OPCML: variants seen among roughly 807,000 people sequenced by gnomAD.
OPCML encodes opioid binding protein/cell adhesion molecule like, also known as opioid-binding protein/cell adhesion molecule.
OPCML carries 13 observed loss-of-function variants against 37.8 expected under a neutral mutation model. That is an observed-to-expected ratio of 0.34 (90% CI 0.22 to 0.55). OPCML has a LOEUF of 0.55. OPCML is among the 20% of genes least tolerant of loss of function. OPCML has a pLI of 0.91. For synonymous variants in OPCML, 176 were observed against 168.8 expected, an observed-to-expected ratio of 1.04 and a Z score of -0.33; for missense variants, 341 against 435.6, an observed-to-expected ratio of 0.78 and a Z score of 1.93.
At chr11:133,223,972 C>G (rs1192918773) in intron 1 of OPCML, among the ~76,000 whole-genome samples, 1 of 152,144 alleles carries the variant, frequency 6.6e-6, no homozygotes, top group African/African-American at 2.4e-5. Flanking sequence ...CTTGTAGGCC[C>G]TGGTTTTGGC....
intron 1 of OPCML, among the ~76,000 whole-genome samples, chr11:133,238,209 T>C (rs1940596798): frequency 6.6e-6 from 1 of 152,190 alleles, no homozygotes; most frequent in African/African-American, 2.4e-5. Flanking sequence ...CCAGGCGTTC[T>C]GGGCTGTCTT....
intron 1 of OPCML, among the ~76,000 whole-genome samples, chr11:133,423,906 C>A (rs1231655208): frequency 6.6e-6 from 1 of 152,194 alleles, no homozygotes; most frequent in Non-Finnish European, 1.5e-5. Context: ...GACAACCTGG[C>A]TCTCCTTTGC....
intron 1 of OPCML, among the ~76,000 whole-genome samples, chr11:133,483,715 G>T (rs541097926): frequency 3.5e-5 from 5 of 141,792 alleles, no homozygotes; most frequent in Admixed American, 2.8e-4. Flanking sequence ...TAGATAGATA[G>T]ATAGATAAAA....
intron 1 of OPCML, among the ~76,000 whole-genome samples, chr11:133,428,388 T>C (rs1946047962): frequency 6.6e-6 from 1 of 152,192 alleles, no homozygotes; most frequent in Non-Finnish European, 1.5e-5. Flanking sequence ...GGCAAGGCAT[T>C]GGTAGCATGA....
intron 2 of OPCML, among the ~76,000 whole-genome samples, chr11:132,876,376 A>G (rs1320831997): frequency 6.6e-6 from 1 of 152,204 alleles, no homozygotes; most frequent in Non-Finnish European, 1.5e-5. Flanking sequence ...AGGGCCATCC[A>G]GTTCTGTCTC....
intron 1 of OPCML, among the ~76,000 whole-genome samples, chr11:133,447,229 G>A (rs1265817090): frequency 5.3e-5 from 8 of 152,074 alleles, no homozygotes; most frequent in African/African-American, 1.9e-4. Flanking sequence ...TTCTTCAATT[G>A]AAAAGGCATC....
At chr11:132,739,367 C>T (rs576779117) in intron 2 of OPCML, among the ~76,000 whole-genome samples, 4 of 152,012 alleles carry the variant, frequency 2.6e-5, no homozygotes, top group African/African-American at 4.8e-5. Flanking sequence ...TTATTTTGTC[C>T]GTATAATTTG....
At chr11:133,204,904 A>ATATATATATGTGTG in intron 1 of OPCML, among the ~76,000 whole-genome samples, 1 of 134,288 alleles carries the variant, frequency 7.4e-6, no homozygotes, top group African/African-American at 2.8e-5. Context: ...ATATATATAT[A>ATATATATATGTGTG]TATATACATA....
At chr11:133,027,866 T>C (rs1045733742) in intron 1 of OPCML, among the ~76,000 whole-genome samples, 11 of 8,422 alleles carry the variant, frequency 1.3e-3, no homozygotes, top group African/African-American at 3.8e-3. Flanking sequence ...GTGGGTTTTG[T>C]ACCTCCATGC....
intron 2 of OPCML, among the ~76,000 whole-genome samples, chr11:132,715,485 C>A: frequency 6.6e-6 from 1 of 152,192 alleles, no homozygotes; most frequent in East Asian, 1.9e-4. Flanking sequence ...TTGTCATGGA[C>A]TGAATATTTG....
intron 1 of OPCML, among the ~76,000 whole-genome samples, chr11:133,381,425 CAG>C (rs1944925870): frequency 6.6e-6 from 1 of 152,178 alleles, no homozygotes; most frequent in African/African-American, 2.4e-5. Flanking sequence ...CAGCTTGGAG[CAG>C]AGTGTGTTTG....
At chr11:133,334,817 T>C (rs960925969) in intron 1 of OPCML, among the ~76,000 whole-genome samples, 1 of 152,122 alleles carries the variant, frequency 6.6e-6, no homozygotes, top group African/African-American at 2.4e-5. Flanking sequence ...CTTCTGGATC[T>C]CCATGGGAGA....
At chr11:133,325,203 C>T (rs949987093) in intron 1 of OPCML, among the ~76,000 whole-genome samples, 1 of 152,216 alleles carries the variant, frequency 6.6e-6, no homozygotes, top group Non-Finnish European at 1.5e-5. Context: ...CTGTGCACTG[C>T]TTCAGACGTG....
At chr11:133,327,390 C>T (rs982219938) in intron 1 of OPCML, among the ~76,000 whole-genome samples, 2 of 151,938 alleles carry the variant, frequency 1.3e-5, no homozygotes, top group African/African-American at 4.8e-5. Flanking sequence ...TATTTACGCT[C>T]ATTGCAGAGA....
chr11:133,005,193 C>T (rs1336323494), intron 1 of OPCML: 1 of 985,284 alleles, frequency 1.0e-6, no homozygotes, highest in Non-Finnish European at 1.2e-6. Flanking sequence ...GGGTTTTCAG[C>T]CATATCCCCA....
At chr11:132,581,681 T>C (rs1196204397) in intron 3 of OPCML, among the ~76,000 whole-genome samples, 1 of 152,178 alleles carries the variant, frequency 6.6e-6, no homozygotes, top group Non-Finnish European at 1.5e-5. Context: ...ATATTTCTTA[T>C]GAATAACCCT....
intron 3 of OPCML, among the ~76,000 whole-genome samples, chr11:132,595,779 A>G (rs2096491518): frequency 6.6e-6 from 1 of 152,202 alleles, no homozygotes; most frequent in Non-Finnish European, 1.5e-5. Flanking sequence ...GGCATCAGCC[A>G]TGGAAGTTTT....
At chr11:133,075,148 AC>A (rs1278720494) in intron 1 of OPCML, among the ~76,000 whole-genome samples, 1 of 151,728 alleles carries the variant, frequency 6.6e-6, no homozygotes, top group Admixed American at 6.6e-5. Context: ...TCCTCCCCAT[AC>A]CCCCTTTCTT....
chr11:133,172,365 A>T (rs896994912), intron 1 of OPCML, among the ~76,000 whole-genome samples: 2 of 152,218 alleles, frequency 1.3e-5, no homozygotes, highest in Admixed American at 6.5e-5. Flanking sequence ...CTGTCAGAGA[A>T]GCATGAAGGG....
Sources: allele counts gnomAD v4.1 joint callset (sites outside exome capture counted in the v4.1 genomes callset), GRCh38; gene constraint gnomAD v4.1.1; transcripts MANE v1.5; gene names NCBI Gene and HGNC (gene_info 2026-07-23, HGNC 2026-07-21).